DOCK1: variants seen among roughly 807,000 people sequenced by gnomAD.
The protein encoded by DOCK1 is dedicator of cytokinesis 1.
DOCK1 carries 138 observed loss-of-function variants against 262.7 expected under a neutral mutation model. The ratio of observed to expected loss-of-function variants is 0.53; its 90% CI spans 0.46 to 0.61. The LOEUF (loss-of-function observed/expected upper bound fraction) is 0.61. DOCK1 is among the 20% of genes least tolerant of loss of function. The pLI is 0.00. For missense variants in DOCK1, 1,908 were observed against 2,370.7 expected (o/e 0.80, Z 4.05); for synonymous variants, 866 against 867.4 (o/e 1.00, Z 0.03).
chr10:127,112,726 C>T (rs927890836), intron 25 of DOCK1, among the ~76,000 whole-genome samples: 4 of 152,046 alleles, frequency 2.6e-5, no homozygotes, highest in Admixed American at 6.6e-5. Context: ...AAAATTAGCC[C>T]GAAGCTTCGT....
At chr10:127,378,255 A>G (rs972734681) in intron 35 of DOCK1, among the ~76,000 whole-genome samples, 3 of 152,172 alleles carry the variant, frequency 2.0e-5, no homozygotes, top group African/African-American at 7.2e-5. Context: ...AAATCTTGGT[A>G]TCTGTTTTAG....
chr10:127,406,568 G>A (rs147620885), intron 40 of DOCK1, among the ~76,000 whole-genome samples: 108 of 152,304 alleles, frequency 7.1e-4, no homozygotes, highest in African/African-American at 2.5e-3. Context: ...GAATGTTTGC[G>A]TGCTTCATGC....
In DOCK1 at chr10:127,108,950, C is replaced by T. The variant is rs186590952; in HGVS notation, c.2517-1298C>T. The stretch of plus-strand genomic sequence containing the variant: ...GGCTTTTTGAATACAAAGAACAGGC[C>T]TCTAGCTACTGTGCTACCTGATGGC... On this transcript the variant is annotated intron_variant, in intron 24 of 51. Transcript: ENST00000623213. 5.3e-5 allele frequency among the ~76,000 whole-genome samples: 8 copies of T among 152,184 alleles called. No homozygotes were observed. In the East Asian group the frequency reaches 1.5e-3, roughly 29 times the overall value.
At chr10:126,950,395 C>T (rs1413704408) in intron 1 of DOCK1, among the ~76,000 whole-genome samples, 1 of 151,972 alleles carries the variant, frequency 6.6e-6, no homozygotes, top group Non-Finnish European at 1.5e-5. Context: ...GTCAGCTTAG[C>T]CTAGCTGTGA....
At chr10:126,999,294 G>T in intron 8 of DOCK1, 60 bp from the exon 9 acceptor site, 1 of 1,318,850 alleles carries the variant, frequency 7.6e-7, no homozygotes, top group Admixed American at 1.8e-5. Context: ...CAATGTGGAT[G>T]TACATTTGGT....
chr10:127,128,162 A>G (rs1422016733), intron 27 of DOCK1: 1 of 153,300 alleles, frequency 6.5e-6, no homozygotes, highest in Non-Finnish European at 1.5e-5. Context: ...TGTTTTTCTT[A>G]AACAGTAATT....
intron 4 of DOCK1, among the ~76,000 whole-genome samples, chr10:126,986,946 G>T (rs1438405130): frequency 6.6e-6 from 1 of 152,126 alleles, no homozygotes; most frequent in Non-Finnish European, 1.5e-5. Context: ...AACTTTTGGG[G>T]CGGAGGAAAA....
intron 12 of DOCK1, among the ~76,000 whole-genome samples, chr10:127,017,912 A>G (rs969857102): frequency 6.6e-6 from 1 of 152,060 alleles, no homozygotes; most frequent in Non-Finnish European, 1.5e-5. Flanking sequence ...TTTGGTTGCT[A>G]CTCAGTATTT....
chr10:127,349,484 C>T (rs1472686284), intron 31 of DOCK1, among the ~76,000 whole-genome samples: 1 of 152,074 alleles, frequency 6.6e-6, no homozygotes, highest in East Asian at 1.9e-4. Context: ...TTCCGCACAC[C>T]TTGGTCTTAG....
chr10:127,367,269 A>G (rs1034780923), intron 33 of DOCK1, among the ~76,000 whole-genome samples: 2 of 152,248 alleles, frequency 1.3e-5, no homozygotes, highest in South Asian at 2.1e-4. Flanking sequence ...CACCTCCCCA[A>G]GAGCCTACTC....
chr10:126,974,075 G>A (rs1371819866), intron 2 of DOCK1, among the ~76,000 whole-genome samples: 1 of 152,124 alleles, frequency 6.6e-6, no homozygotes, highest in Non-Finnish European at 1.5e-5. Flanking sequence ...TGGTGGAAGT[G>A]GAAAGAGCTT....
chr10:126,986,877 T>A (rs2039437308), intron 4 of DOCK1, among the ~76,000 whole-genome samples: 1 of 152,122 alleles, frequency 6.6e-6, no homozygotes, highest in South Asian at 2.1e-4. Flanking sequence ...ACCACTGCAC[T>A]CCAGCCTGTG....
intron 23 of DOCK1, among the ~76,000 whole-genome samples, chr10:127,069,248 G>T (rs970562064): frequency 2.6e-5 from 4 of 152,294 alleles, no homozygotes; most frequent in Middle Eastern, 3.4e-3. Flanking sequence ...CATGGTGGAT[G>T]AGTCGGGAGC....
chr10:127,253,729 G>A (rs567530889), intron 28 of DOCK1, among the ~76,000 whole-genome samples: 2 of 152,008 alleles, frequency 1.3e-5, no homozygotes, highest in Admixed American at 6.5e-5. Context: ...TAAAAAAATA[G>A]CCAGGTATGA....
chr10:126,934,468 G>A (rs1317911172), intron 1 of DOCK1, among the ~76,000 whole-genome samples: 2 of 152,200 alleles, frequency 1.3e-5, no homozygotes, highest in African/African-American at 4.8e-5. Flanking sequence ...TTTCATAATC[G>A]TAACACTTGG....
At chr10:127,384,625 A>G (rs184360179) in intron 37 of DOCK1, among the ~76,000 whole-genome samples, 165 bp from the exon 38 acceptor site, 1 of 152,264 alleles carries the variant, frequency 6.6e-6, no homozygotes, top group East Asian at 1.9e-4. Flanking sequence ...GCCTGTCGGT[A>G]TGTCCGGACA....
chr10:126,932,836 C>T (rs2034285365), intron 1 of DOCK1, among the ~76,000 whole-genome samples: 1 of 152,154 alleles, frequency 6.6e-6, no homozygotes, highest in East Asian at 1.9e-4. Flanking sequence ...CTTGGGGGAA[C>T]TTTCCCTCAC....
chr10:127,015,397 G>A lies in DOCK1; in HGVS notation c.1201+3023G>A, dbSNP rs149176948. On this transcript the variant is annotated intron_variant, in intron 12 of 51. Transcript: ENST00000623213. ...CACCAGGAGCCCTGTGGCTGCATGG[G>A]CACCATCTGTCCCAGTTTTCCATTT... 3.0e-3 allele frequency among the ~76,000 whole-genome samples: 459 copies of A among 152,024 alleles called. 1 individual carries two copies. The highest frequency in any genetic ancestry group is 0.01 in the Middle Eastern group (3 of 292).
At chr10:126,919,301 C>T (rs969824648) in intron 1 of DOCK1, among the ~76,000 whole-genome samples, 2 of 152,204 alleles carry the variant, frequency 1.3e-5, no homozygotes, top group Non-Finnish European at 2.9e-5. Context: ...TAATTGACTT[C>T]ACCAGAGGCA....
Sources: gnomAD v4.1 joint callset for allele counts (sites outside exome capture counted in the v4.1 genomes callset) on GRCh38, gnomAD v4.1.1 for gene constraint, MANE v1.5 for transcripts, NCBI Gene and HGNC (gene_info 2026-07-23, HGNC 2026-07-21) for gene names.